The following PLCG2 variants were observed in gnomAD, a reference collection of about 807,000 sequenced individuals.
PLCG2 encodes 1-phosphatidylinositol 4,5-bisphosphate phosphodiesterase gamma-2.
PLCG2 carries 69 observed loss-of-function variants against 175.6 expected under a neutral mutation model. The ratio of observed to expected loss-of-function variants is 0.39; its 90% CI spans 0.32 to 0.48. The LOEUF is 0.48. Among genes scored for constraint, PLCG2 ranks in the 20% least tolerant of loss-of-function variants. The probability of loss-of-function intolerance (pLI) is 0.91; values close to 1 mark genes in which losing one functional copy is unlikely to be tolerated. For missense variants in PLCG2, 1,798 were observed against 1,650.9 expected, an observed-to-expected ratio of 1.09 and a Z score of -1.54; for synonymous variants, 827 against 624.0, an observed-to-expected ratio of 1.33 and a Z score of -4.85.
chr16:81,785,123 C>G (rs1165130143), intron 1 of PLCG2, among the ~76,000 whole-genome samples: 1 of 152,062 alleles, frequency 6.6e-6, no homozygotes, highest in African/African-American at 2.4e-5. Context: ...GGGTGAGATG[C>G]GTTGGAAGTG....
chr16:81,832,696 G>A (rs747388405), intron 2 of PLCG2, among the ~76,000 whole-genome samples: 6 of 152,216 alleles, frequency 3.9e-5, no homozygotes, highest in Non-Finnish European at 7.3e-5. Flanking sequence ...GAGCCATTGC[G>A]CCCAGGCAGA....
chr16:81,749,348 T>C (rs1255739153), intron 1 of PLCG2, among the ~76,000 whole-genome samples: 1 of 152,140 alleles, frequency 6.6e-6, no homozygotes, highest in South Asian at 2.1e-4. Context: ...ATAAATTATA[T>C]TTTATTTTTT....
chr16:81,815,333 A>C (rs561271324), intron 2 of PLCG2, among the ~76,000 whole-genome samples: 2 of 152,294 alleles, frequency 1.3e-5, no homozygotes, highest in Admixed American at 1.3e-4. Flanking sequence ...GCAGGTTGGC[A>C]GCCACACAAC....
intron 2 of PLCG2, among the ~76,000 whole-genome samples, chr16:81,831,479 C>A (rs1427896484): frequency 6.6e-6 from 1 of 152,202 alleles, no homozygotes; most frequent in Non-Finnish European, 1.5e-5. Context: ...GTCAATGCCA[C>A]GAAACTGGCC....
chr16:81,784,461 C>G (rs1472756170), intron 1 of PLCG2, among the ~76,000 whole-genome samples: 1 of 152,190 alleles, frequency 6.6e-6, no homozygotes, highest in Non-Finnish European at 1.5e-5. Context: ...CTGAGCCCGG[C>G]TGGAAGCACA....
At position 81,859,145 on chromosome 16, in the gene PLCG2, A is replaced by T. The variant is rs1906834252; in HGVS notation, c.461A>T (p.Asp154Val). 5.0e-6 allele frequency: 8 copies of T among 1,596,774 alleles called. No homozygotes were observed. Among genetic ancestry groups the T allele is most frequent in the Non-Finnish European group, 6.9e-6 (8 of 1,164,174 alleles). Residue 154 changes from aspartate (D) to valine (V), a missense_variant, in exon 5 of 33, where the codon GAT becomes GTT. Transcript: ENST00000564138. ...CTGAGAAAGCAGATATATTCTGTGG[A>T]TCAAACCAGAAGAAACAGGTAAGAG... The part of the protein sequence containing the change: ...SWLRKQIYSV[D>V]QTRRNSISLR...
intron 7 of PLCG2, among the ~76,000 whole-genome samples, chr16:81,873,021 T>A (rs12918486): frequency 0.53 from 80,012 of 152,102 alleles, 21,983 homozygotes; most frequent in Non-Finnish European, 0.61. Context: ...TGCCCAGATT[T>A]GGGGAAAACA....
chr16:81,803,633 TTCCC>T (rs61352183), intron 2 of PLCG2, among the ~76,000 whole-genome samples: 5,628 of 88,256 alleles, frequency 0.064, 415 homozygotes, highest in African/African-American at 0.17. Flanking sequence ...TCTTTTCTTC[TTCCC>T]TCCCTCCCTC....
intron 2 of PLCG2, among the ~76,000 whole-genome samples, chr16:81,831,300 C>G (rs1247977640): frequency 6.6e-6 from 1 of 152,212 alleles, no homozygotes; most frequent in Admixed American, 6.5e-5. Context: ...AGAACAGTGC[C>G]TGGCACGCTG....
intron 31 of PLCG2, among the ~76,000 whole-genome samples, chr16:81,947,134 T>C (rs1476270762): frequency 6.6e-6 from 1 of 152,156 alleles, no homozygotes; most frequent in Non-Finnish European, 1.5e-5. Context: ...CCGGAAACAT[T>C]ATAAATAATT....
At chr16:81,894,648 G>A (rs1307749702) in intron 12 of PLCG2, among the ~76,000 whole-genome samples, 3 of 152,140 alleles carry the variant, frequency 2.0e-5, no homozygotes, top group South Asian at 2.1e-4. Context: ...CGAGGTGGGC[G>A]GATCACTTGA....
chr16:81,810,251 G>A (rs1567475952), intron 2 of PLCG2, among the ~76,000 whole-genome samples: 1 of 152,200 alleles, frequency 6.6e-6, no homozygotes, highest in African/African-American at 2.4e-5. Flanking sequence ...CTTCCGAAGT[G>A]CTGGGATTAC....
At chr16:81,811,423 A>T (rs746012875) in intron 2 of PLCG2, among the ~76,000 whole-genome samples, 1 of 152,082 alleles carries the variant, frequency 6.6e-6, no homozygotes, top group East Asian at 1.9e-4. Context: ...ACCTGAGAAG[A>T]TGATGGATTC....
At chr16:81,812,551 T>C (rs1296782724) in intron 2 of PLCG2, among the ~76,000 whole-genome samples, 2 of 152,222 alleles carry the variant, frequency 1.3e-5, no homozygotes, top group Admixed American at 1.3e-4. Context: ...TCTTGTAAAT[T>C]TGTTTAAGTT....
chr16:81,855,303 GCA>G (rs1245590472), intron 3 of PLCG2, among the ~76,000 whole-genome samples: 2 of 151,926 alleles, frequency 1.3e-5, no homozygotes, highest in Non-Finnish European at 2.9e-5. Flanking sequence ...ATCTTCTGTT[GCA>G]CACACACATG....
intron 2 of PLCG2, among the ~76,000 whole-genome samples, chr16:81,845,099 C>T (rs1252873684): frequency 6.6e-6 from 1 of 152,054 alleles, no homozygotes; most frequent in Non-Finnish European, 1.5e-5. Context: ...TGGCTAACTG[C>T]GTTTATTTTT....
At chr16:81,953,862 C>T (rs530601779) in intron 31 of PLCG2, among the ~76,000 whole-genome samples, 1 of 152,236 alleles carries the variant, frequency 6.6e-6, no homozygotes, top group African/African-American at 2.4e-5. Flanking sequence ...TAAAGGGTTG[C>T]AGTTATAGAA....
chr16:81,785,155 G>A (rs1385918773), intron 1 of PLCG2, among the ~76,000 whole-genome samples: 1 of 152,138 alleles, frequency 6.6e-6, no homozygotes, highest in Admixed American at 6.5e-5. Context: ...GTCCACGCAA[G>A]GATTCCTCCA....
chr16:81,952,824 A>T (rs1167344436), intron 31 of PLCG2, among the ~76,000 whole-genome samples: 1 of 152,246 alleles, frequency 6.6e-6, no homozygotes, highest in Admixed American at 6.5e-5. Flanking sequence ...ATGCAAAATG[A>T]AAGTTGGAGG....
Sources: gnomAD v4.1 joint callset for allele counts (sites outside exome capture counted in the v4.1 genomes callset) on GRCh38, gnomAD v4.1.1 for gene constraint, MANE v1.5 for transcripts, NCBI Gene and HGNC (gene_info 2026-07-23, HGNC 2026-07-21) for gene names.